UBD: variants seen among roughly 807,000 people sequenced by gnomAD.
UBD encodes the protein ubiquitin like modifier D.
UBD carries 1 observed loss-of-function variant against 2.3 expected under a neutral mutation model. The observed-to-expected ratio is 0.43, with a 90% CI of 0.15 to 2.06. UBD has a LOEUF of 2.06. Ranked by LOEUF, UBD falls within the 30% of genes most tolerant of loss-of-function variation. The pLI, the probability that UBD is intolerant of heterozygous loss-of-function variation, is 0.29. For synonymous variants in UBD, 75 were observed against 76.5 expected, an observed-to-expected ratio of 0.98 and a Z score of 0.10; for missense variants, 175 against 199.3, an observed-to-expected ratio of 0.88 and a Z score of 0.73.
chr6:29,556,229 A>T lies in UBD; in HGVS notation c.149T>A (p.Leu50His). The change falls in exon 2 of 2, where the codon CTT (leucine) becomes CAT (histidine). Residue 50 changes from leucine to histidine, a missense_variant. Leu to His is a moderately conservative substitution (Grantham distance 99, BLOSUM62 -3). Transcript: ENST00000377050. Reference sequence around the variant, plus strand: ...CTTTAAGATCTTGGAGCCCAGCAAAAGAACCTGGTCCTGCACAGGAACCTT... The same window carrying T: ...CTTTAAGATCTTGGAGCCCAGCAAATGAACCTGGTCCTGCACAGGAACCTT... ...KTKVPVQDQV[L>H]LLGSKILKPR... 6.2e-7 allele frequency: 1 copy of T among 1,613,062 alleles called. No individual in the cohort carries two copies. The highest frequency in any genetic ancestry group is 8.5e-7 in the Non-Finnish European group (1 of 1,180,008).
At chr6:29,556,448 T>A (rs1043622949) in intron 1 of UBD, 98 bp from the exon 2 acceptor site, 11 of 838,522 alleles carry the variant, frequency 1.3e-5, no homozygotes, top group African/African-American at 1.7e-5. Flanking sequence ...ACTATCTATC[T>A]GGTCCTCTAG....
intron 1 of UBD, 114 bp downstream of exon 1, chr6:29,559,561 C>T: frequency 8.4e-6 from 9 of 1,066,754 alleles, no homozygotes; most frequent in Non-Finnish European, 1.1e-5. Context: ...CTGAAGGATG[C>T]CTGCCCAGCC....
intron 1 of UBD, chr6:29,556,617 G>A (rs1762537131): frequency 2.1e-6 from 1 of 477,304 alleles, no homozygotes; most frequent in African/African-American, 2.0e-5. Context: ...CCAACCAACT[G>A]AACGGACGCT....
rs780049028 is a variant in UBD at position 29,556,255 on chromosome 6, G to A, written c.123C>T (p.Thr41=). 6.2e-7 allele frequency: 1 copy of A among 1,613,070 alleles called. No individual in the cohort carries two copies. Among genetic ancestry groups the A allele is most frequent in the Non-Finnish European group, 8.5e-7 (1 of 1,180,026 alleles). Residue 41 remains threonine (T), a synonymous_variant, in exon 2 of 2, where the codon ACC becomes ACT. Transcript: ENST00000377050. ...KKIKEHVRSK[T]KVPVQDQVLL... is the part of the protein sequence containing the mutation. The stretch of plus-strand genomic sequence containing the variant: ...GAACCTGGTCCTGCACAGGAACCTT[G>A]GTCTTAGACCGGACATGTTCTTTGA...
intron 1 of UBD, chr6:29,557,724 C>A (rs1468865360): frequency 6.6e-6 from 1 of 152,214 alleles, no homozygotes; most frequent in Non-Finnish European, 1.5e-5. Flanking sequence ...AGAATGGCTA[C>A]CTTGCAGACT....
At chr6:29,557,877 G>A (rs1032488499) in intron 1 of UBD, among the ~76,000 whole-genome samples, 2 of 152,084 alleles carry the variant, frequency 1.3e-5, no homozygotes, top group African/African-American at 4.8e-5. Flanking sequence ...AATGTAATTA[G>A]TGATTTTCCA....
Position 29,555,890 on chromosome 6 carries a change from A to G in UBD, c.488T>C (p.Ile163Thr). Reference protein sequence around the residue: ...GNLLFLACYCIGG With the variant: ...GNLLFLACYCTGG ...CCATGCCCAGGGTGGTCACCCTCCAATACAATAACATGCCAGGAAGAGTAA... is the reference window on the plus strand; with the variant it reads ...CCATGCCCAGGGTGGTCACCCTCCAGTACAATAACATGCCAGGAAGAGTAA... The change falls in exon 2 of 2, where the codon ATT (isoleucine) becomes ACT (threonine). Residue 163 changes from isoleucine (I) to threonine (T), a missense_variant. Coordinates refer to ENST00000377050, the MANE Select transcript of UBD (RefSeq NM_006398.4). 1.2e-6 allele frequency: 2 copies of G among 1,612,940 alleles called. No individual in the cohort carries two copies. Among genetic ancestry groups the G allele is most frequent in the Non-Finnish European group, 1.7e-6 (2 of 1,179,970 alleles).
intron 1 of UBD, chr6:29,557,042 G>A (rs1395996394): frequency 1.3e-5 from 2 of 152,184 alleles, no homozygotes; most frequent in Non-Finnish European, 2.9e-5. Flanking sequence ...TTGCAGTTTA[G>A]ACACAACTGA....
chr6:29,555,776 C>T lies in UBD; in HGVS notation c.*104G>A. 5 of 875,366 alleles carry T rather than the reference C, an allele frequency of 5.7e-6. No homozygotes were observed. Among genetic ancestry groups the T allele is most frequent in the Non-Finnish European group, 8.9e-6 (5 of 564,968 alleles). The allele number at this position is 875,366 out of a possible 1,614,324, so 54.2% of individuals were successfully genotyped here. On this transcript the variant is annotated 3_prime_UTR_variant, in exon 2 of 2. Transcript: ENST00000377050. The stretch of plus-strand genomic sequence containing the variant: ...CACCCAAATCTTACTCTACTCATCT[C>T]ATTCTCATTAATTTTGGGAAATCAT...
chr6:29,558,743 A>C (rs57241384), intron 1 of UBD, among the ~76,000 whole-genome samples: 1 of 151,986 alleles, frequency 6.6e-6, no homozygotes, highest in Non-Finnish European at 1.5e-5. Context: ...CTAAGTGCCC[A>C]GGTTCTTCCT....
At chr6:29,556,497 C>T in intron 1 of UBD, 147 bp from the exon 2 acceptor site, 2 of 597,376 alleles carry the variant, frequency 3.3e-6, no homozygotes, top group Non-Finnish European at 5.8e-6. Context: ...TTTCTTGGAA[C>T]TTCTTTTTTG....
intron 1 of UBD, 28 bp downstream of exon 1, chr6:29,559,647 C>G (rs1762705590): frequency 1.9e-6 from 3 of 1,612,712 alleles, no homozygotes; most frequent in East Asian, 2.2e-5. Flanking sequence ...TTTCCTTTCC[C>G]CATCCCCTTT....
chr6:29,557,075 G>A (rs1390668106), intron 1 of UBD: 2 of 152,210 alleles, frequency 1.3e-5, no homozygotes, highest in Non-Finnish European at 1.5e-5. Context: ...GAGATTATAA[G>A]ACTGAGAGAA....
At chr6:29,556,610 A>G (rs1199481987) in intron 1 of UBD, 3 of 490,054 alleles carry the variant, frequency 6.1e-6, no homozygotes, top group South Asian at 7.9e-5. Context: ...TGAGCCCCCA[A>G]CCAACTGAAC....
At chr6:29,558,612 C>T (rs1762643915) in intron 1 of UBD, among the ~76,000 whole-genome samples, 2 of 152,210 alleles carry the variant, frequency 1.3e-5, no homozygotes, top group South Asian at 2.1e-4. Context: ...TTGCCACCGT[C>T]GCAGACCCGC....
chr6:29,559,449 G>A (rs1010727107), intron 1 of UBD, among the ~76,000 whole-genome samples: 2 of 152,128 alleles, frequency 1.3e-5, no homozygotes, highest in African/African-American at 4.8e-5. Context: ...AGAGTAGCTA[G>A]TCCAATGTTT....
At chr6:29,557,051 G>A (rs1424385929) in intron 1 of UBD, 1 of 152,200 alleles carries the variant, frequency 6.6e-6, no homozygotes, top group Admixed American at 6.5e-5. Flanking sequence ...AGACACAACT[G>A]ACCAGCAAAG....
In UBD at chr6:29,555,864, C is replaced by T. The variant is rs755696041; in HGVS notation, c.*16G>A. 1.9e-6 allele frequency: 3 copies of T among 1,602,396 alleles called. No individual in the cohort carries two copies. The highest frequency in any genetic ancestry group is 2.7e-5 in the African/African-American group (2 of 74,512). ...TAAGCTTTTTGACCCCTGCCAACACCCCATGCCCAGGGTGGTCACCCTCCA... is the reference window on the plus strand; with the variant it reads ...TAAGCTTTTTGACCCCTGCCAACACTCCATGCCCAGGGTGGTCACCCTCCA... On this transcript the variant is annotated 3_prime_UTR_variant, in exon 2 of 2. Transcript: ENST00000377050.
Position 29,556,147 on chromosome 6 carries a change from G to A in UBD, c.231C>T (p.Thr77=). ...CATCACTGGGCTTCACCACTTTCAG[G>A]GTAAGGTGGATGGTCTTCTCTTTGT... The part of the protein sequence containing the change: ...GIDKEKTIHL[T]LKVVKPSDEE... Residue 77 remains threonine (T), a synonymous_variant, in exon 2 of 2, where the codon ACC becomes ACT. Transcript: ENST00000377050. The A allele has an allele frequency of 6.2e-7, 1 of 1,613,084 alleles. No individual in the cohort carries two copies. The highest frequency in any genetic ancestry group is 8.5e-7 in the Non-Finnish European group (1 of 1,180,032).
Sources: allele counts gnomAD v4.1 joint callset (sites outside exome capture counted in the v4.1 genomes callset), GRCh38; gene constraint gnomAD v4.1.1; transcripts MANE v1.5; gene names NCBI Gene and HGNC (gene_info 2026-07-23, HGNC 2026-07-21).